Variants in COL11A1 observed in about 807,000 individuals in gnomAD.
COL11A1 encodes the protein collagen type XI alpha 1 chain.
Under a neutral mutation model 265.2 loss-of-function variants are expected in COL11A1, and 74 were observed. The observed-to-expected ratio is 0.28, with a 90% CI of 0.23 to 0.34. The LOEUF (loss-of-function observed/expected upper bound fraction) is 0.34, where lower values mean the gene tolerates loss of function less well. Ranked by LOEUF, COL11A1 falls within the 10% of genes least tolerant of loss-of-function variation. The pLI, the probability that COL11A1 is intolerant of heterozygous loss-of-function variation, is 1.00. For synonymous variants in COL11A1, 816 were observed against 727.6 expected (o/e 1.12, Z -1.96); for missense variants, 2,165 against 2,263.6 (o/e 0.96, Z 0.88).
At chr1:102,967,310 G>T (rs1394608854) in intron 37 of COL11A1, among the ~76,000 whole-genome samples, 1 of 127,978 alleles carries the variant, frequency 7.8e-6, no homozygotes, top group Non-Finnish European at 1.6e-5. Context: ...GCGCGATCTC[G>T]GCTCACTGCA....
intron 37 of COL11A1, among the ~76,000 whole-genome samples, chr1:102,967,475 C>T (rs1661557392): frequency 6.6e-6 from 1 of 151,828 alleles, no homozygotes; most frequent in African/African-American, 2.4e-5. Flanking sequence ...CTCCTGACTT[C>T]GTGATCCGCC....
At chr1:102,917,351 G>T (rs2101048513) in intron 49 of COL11A1, among the ~76,000 whole-genome samples, 1 of 151,934 alleles carries the variant, frequency 6.6e-6, no homozygotes, top group East Asian at 1.9e-4. Context: ...AAGGATTCAA[G>T]AATTTAAACA....
intron 30 of COL11A1, 85 bp from the exon 31 acceptor site, chr1:102,984,276 G>C: frequency 1.1e-6 from 1 of 873,194 alleles, no homozygotes; most frequent in South Asian, 1.6e-5. Flanking sequence ...TTAAATATTA[G>C]AATCACATAT....
chr1:102,883,330 T>C lies in COL11A1; in HGVS notation c.4859-19A>G, dbSNP rs146179957. 2 of 1,471,278 alleles carry C rather than the reference T, an allele frequency of 1.4e-6. No individual in the cohort carries two copies. The highest frequency in any genetic ancestry group is 2.8e-5 in the African/African-American group (2 of 71,918). 91.1% of individuals were successfully genotyped at this position (1,471,278 alleles called of 1,614,324 possible). ...TATTCACCTAGAAGGTAGCAAAAAA[T>C]ATGTCATATAAAAATTCATTGACAT... On this transcript the variant is annotated intron_variant, in intron 63 of 66. Coordinates refer to ENST00000370096, the MANE Select transcript of COL11A1 (RefSeq NM_001854.4).
chr1:103,072,640 T>C (rs757096173), intron 4 of COL11A1, among the ~76,000 whole-genome samples: 37 of 151,812 alleles, frequency 2.4e-4, no homozygotes, highest in Non-Finnish European at 4.1e-4. Flanking sequence ...TAGAATGAAC[T>C]AATTTTACAA....
chr1:102,980,204 GA>G (rs1228457509), intron 31 of COL11A1, among the ~76,000 whole-genome samples: 4 of 151,862 alleles, frequency 2.6e-5, no homozygotes, highest in Admixed American at 1.3e-4. Context: ...CTGAAAAAAA[GA>G]ATGCTTGGTA....
intron 49 of COL11A1, 100 bp downstream of exon 49, chr1:102,920,211 G>T: frequency 1.9e-6 from 2 of 1,048,628 alleles, no homozygotes; most frequent in East Asian, 2.4e-5. Flanking sequence ...TATGTAAAAG[G>T]CTTAGAAACA....
intron 26 of COL11A1, 130 bp from the exon 27 acceptor site, chr1:102,996,172 T>C (rs1664607485): frequency 2.2e-6 from 2 of 889,814 alleles, no homozygotes; most frequent in African/African-American, 1.7e-5. Context: ...TAAAGACTTT[T>C]TGGTAGTTTA....
intron 35 of COL11A1, 62 bp downstream of exon 35, chr1:102,978,646 A>T: frequency 1.3e-6 from 2 of 1,553,458 alleles, no homozygotes; most frequent in Non-Finnish European, 1.8e-6. Context: ...TTTTCTCTGA[A>T]ATCTAAATAC....
At chr1:102,896,871 T>C (rs758624583) in intron 57 of COL11A1, among the ~76,000 whole-genome samples, 3 of 152,126 alleles carry the variant, frequency 2.0e-5, no homozygotes, top group Non-Finnish European at 4.4e-5. Context: ...TAAGGCAAGG[T>C]ATTTTTTCCT....
At chr1:103,063,363 C>G (rs1670823344) in intron 4 of COL11A1, among the ~76,000 whole-genome samples, 2 of 151,936 alleles carry the variant, frequency 1.3e-5, no homozygotes, top group Admixed American at 6.6e-5. Flanking sequence ...GGTGGAAGAA[C>G]TGATAAGTAG....
chr1:102,970,727 A>G (rs534233134), intron 36 of COL11A1, among the ~76,000 whole-genome samples: 1 of 152,136 alleles, frequency 6.6e-6, no homozygotes, highest in Non-Finnish European at 1.5e-5. Flanking sequence ...ACAAGAAGGC[A>G]AAAGAAGGCC....
At chr1:103,096,937 C>T (rs887824562) in intron 1 of COL11A1, among the ~76,000 whole-genome samples, 63 of 152,068 alleles carry the variant, frequency 4.1e-4, no homozygotes, top group African/African-American at 1.3e-3. Context: ...TTCTCATACT[C>T]CCTTATGAAG....
At chr1:102,907,944 G>T (rs1654186827) in intron 54 of COL11A1, among the ~76,000 whole-genome samples, 1 of 152,006 alleles carries the variant, frequency 6.6e-6, no homozygotes, top group Non-Finnish European at 1.5e-5. Context: ...CCAGATGACA[G>T]AAAAAGTTCA....
intron 46 of COL11A1, among the ~76,000 whole-genome samples, chr1:102,925,346 T>C (rs1656478523): frequency 6.6e-6 from 1 of 152,088 alleles, no homozygotes; most frequent in Admixed American, 6.5e-5. Context: ...CTGGTAATGA[T>C]CCACAAAATT....
At chr1:103,018,969 T>C in intron 9 of COL11A1, 110 bp from the exon 10 acceptor site, 1 of 799,720 alleles carries the variant, frequency 1.3e-6, no homozygotes, top group Non-Finnish European at 2.1e-6. Context: ...GTGAATTATC[T>C]ATTCATACCA....
chr1:103,012,727 A>T (rs539455069), intron 13 of COL11A1, among the ~76,000 whole-genome samples: 4 of 152,330 alleles, frequency 2.6e-5, no homozygotes, highest in Non-Finnish European at 4.4e-5. Flanking sequence ...CAAAAATAAA[A>T]GTTAAACTAG....
chr1:102,931,680 G>A (rs1411948437), intron 46 of COL11A1, among the ~76,000 whole-genome samples: 51 of 152,024 alleles, frequency 3.4e-4, no homozygotes, highest in Non-Finnish European at 3.7e-4. Flanking sequence ...TCTGTCTAAT[G>A]TTGACAGTGG....
chr1:102,878,717 C>T (rs1649855330), intron 66 of COL11A1, among the ~76,000 whole-genome samples: 1 of 151,300 alleles, frequency 6.6e-6, no homozygotes, highest in Non-Finnish European at 1.5e-5. Context: ...CTTTGTTGGC[C>T]AGGCTGGTCT....
Sources: gnomAD v4.1 joint callset for allele counts (sites outside exome capture counted in the v4.1 genomes callset) on GRCh38, gnomAD v4.1.1 for gene constraint, MANE v1.5 for transcripts, NCBI Gene and HGNC (gene_info 2026-07-23, HGNC 2026-07-21) for gene names.